Variants in ZNF658 observed in about 807,000 individuals in gnomAD.
ZNF658 encodes the protein zinc finger protein 658.
Under a neutral mutation model 78.0 loss-of-function variants are expected in ZNF658, and 46 were observed. The observed-to-expected ratio is 0.59, with a 90% CI of 0.47 to 0.75. ZNF658 has a LOEUF of 0.75. ZNF658 is among the 30% of genes least tolerant of loss of function. The pLI is 0.00. For synonymous variants in ZNF658, 279 were observed against 408.4 expected (o/e 0.68, Z 3.82); for missense variants, 785 against 1,189.3 (o/e 0.66, Z 5.00).
downstream of ZNF658, among the ~76,000 whole-genome samples, chr9:66,925,683 C>A (rs930431474): frequency 6.6e-5 from 10 of 152,102 alleles, no homozygotes; most frequent in African/African-American, 2.4e-4. Context: ...TAATACCAAT[C>A]ATTTTAAAAC....
chr9:66,918,933 G>A lies in ZNF658; in HGVS notation c.1367G>A (p.Ser456Asn), dbSNP rs753801898. The A allele has an allele frequency of 1.3e-6, 2 of 1,516,376 alleles. No homozygotes were observed. Among genetic ancestry groups the A allele is most frequent in the South Asian group, 2.3e-5 (2 of 87,318 alleles). The allele number at this position is 1,516,376 out of a possible 1,614,324, so 93.9% of individuals were successfully genotyped here. ...GKAFCQNSNL[S>N]KHLRIHTKEK... ...GCTTTCTGTCAGAATTCAAACCTCA[G>A]TAAACATCTGAGAATTCACACAAAA... Residue 456 changes from serine to asparagine, a missense_variant, in exon 5 of 5, where the codon AGT becomes AAT. By Grantham distance (46) the Ser-to-Asn change is conservative. This residue lies in a region of ZNF658 where 393 missense variants were observed against 400.2 expected (regional missense o/e 0.98). Coordinates refer to ENST00000621410, the MANE Select transcript of ZNF658 (RefSeq NM_033160.7).
At chr9:66,930,295 C>T (rs1822628103) in intron 6 of ZNF658, among the ~76,000 whole-genome samples, 1 of 142,050 alleles carries the variant, frequency 7.0e-6, no homozygotes, top group African/African-American at 2.5e-5. Flanking sequence ...TCTCTTTTTT[C>T]CAACTTGTTT....
chr9:66,931,294 TTG>T (rs1233229084), intron 6 of ZNF658, among the ~76,000 whole-genome samples: 2 of 149,228 alleles, frequency 1.3e-5, no homozygotes, highest in African/African-American at 2.5e-5. Context: ...TCTTTTGCAT[TTG>T]TGTGTGTGTG....
In ZNF658 at chr9:66,918,418, T is replaced by A; in HGVS notation, c.852T>A (p.Ala284=). The change falls in exon 5 of 5, where the codon GCT becomes GCA. Residue 284 remains alanine (A), a synonymous_variant. Coordinates refer to ENST00000621410, the MANE Select transcript of ZNF658 (RefSeq NM_033160.7). ...EYGTSCDKTT[A]VEYNKVHMAM... ...GGACATCCTGTGACAAAACCACCGC[T>A]GTTGAATACAATAAAGTTCACATGG... The A allele has an allele frequency of 6.2e-7, 1 of 1,613,140 alleles. No homozygotes were observed. The highest frequency in any genetic ancestry group is 8.5e-7 in the Non-Finnish European group (1 of 1,179,238).
At position 66,918,205 on chromosome 9, in the gene ZNF658, A is replaced by C; in HGVS notation, c.639A>C (p.Glu213Asp). Residue 213 changes from glutamate (E) to aspartate (D), a missense_variant, in exon 5 of 5, where the codon GAA becomes GAC. Transcript: ENST00000621410. ...DQHWKFQTLE[E>D]SFECDGSGQG... is the part of the protein sequence containing the mutation. ...ATTGGAAATTTCAAACTTTGGAGGA[A>C]TCTTTTGAATGTGATGGATCTGGAC... The C allele has an allele frequency of 6.2e-7, 1 of 1,605,950 alleles. No individual in the cohort carries two copies. Among genetic ancestry groups the C allele is most frequent in the Non-Finnish European group, 8.5e-7 (1 of 1,177,190 alleles).
rs72624049 is a variant in ZNF658, at chr9:66,919,504, G to A, written c.1938G>A (p.Lys646=). The part of the protein sequence containing the change: ...GRSFAHISVL[K]AHQRIHTGEK... ...CTTTTGCCCATATTTCTGTTCTCAA[G>A]GCACATCAAAGAATTCACACAGGGG... Residue 646 remains lysine, a synonymous_variant, in exon 5 of 5, where the codon AAG becomes AAA. Coordinates refer to ENST00000621410, the MANE Select transcript of ZNF658 (RefSeq NM_033160.7). The A allele has an allele frequency of 0.21, 332,911 of 1,589,806 alleles. 33,559 individuals are homozygous for A. Among genetic ancestry groups the A allele is most frequent in the East Asian group, 0.39 (17,245 of 44,070 alleles).
chr9:66,918,225 C>G lies in ZNF658; in HGVS notation c.659C>G (p.Ser220Cys). ...GAGGAATCTTTTGAATGTGATGGATCTGGACAAGGTTTATATGATAAGACA... is the reference window on the plus strand; with the variant it reads ...GAGGAATCTTTTGAATGTGATGGATGTGGACAAGGTTTATATGATAAGACA... The part of the protein sequence containing the change: ...TLEESFECDG[S>C]GQGLYDKTIC... The change falls in exon 5 of 5, where the codon TCT becomes TGT. Residue 220 changes from serine to cysteine, a missense_variant. Transcript: ENST00000621410. 2 of 1,606,932 alleles carry G rather than the reference C, an allele frequency of 1.2e-6. No homozygotes were observed. Among genetic ancestry groups the G allele is most frequent in the Non-Finnish European group, 1.7e-6 (2 of 1,177,534 alleles).
intron 4 of ZNF658, among the ~76,000 whole-genome samples, chr9:66,914,380 T>C (rs890248121): frequency 3.9e-5 from 6 of 152,074 alleles, no homozygotes; most frequent in African/African-American, 1.4e-4. Flanking sequence ...AAAACACTTA[T>C]TAGTTCAAGG....
At position 66,911,343 on chromosome 9, in the gene ZNF658, C is replaced by T. The variant is rs964675764; in HGVS notation, c.238+2609C>T. ...TTAATAATAAAATGAAAAAAATCCA[C>T]TTGAAAAAATTTTAGTATCTCTTTT... On this transcript the variant is annotated intron_variant, in intron 4 of 4. Coordinates refer to ENST00000621410, the MANE Select transcript of ZNF658 (RefSeq NM_033160.7). Among the ~76,000 whole-genome samples, 6 of 76,966 alleles carry T rather than the reference C, an allele frequency of 7.8e-5. 1 individual carries two copies. Among genetic ancestry groups the T allele is most frequent in the African/African-American group, 1.3e-4 (2 of 14,940 alleles). The allele number at this position is 76,966 out of a possible 152,430, so 50.5% of individuals were successfully genotyped here.
downstream of ZNF658, among the ~76,000 whole-genome samples, chr9:66,924,628 CAATTA>C (rs1178582478): frequency 1.7e-5 from 2 of 118,248 alleles, no homozygotes; most frequent in Non-Finnish European, 3.5e-5. Context: ...TTAAACACCT[CAATTA>C]AAAGTCAGGA....
Position 66,919,052 on chromosome 9 carries a change from G to T in ZNF658, c.1486G>T (p.Gly496Cys). The T allele has an allele frequency of 5.8e-6, 4 of 684,952 alleles. No individual in the cohort carries two copies. Among genetic ancestry groups the T allele is most frequent in the East Asian group, 5.5e-5 (2 of 36,368 alleles). 42.4% of individuals were successfully genotyped at this position (684,952 alleles called of 1,614,324 possible). Residue 496 changes from glycine (G) to cysteine (C), a missense_variant, in exon 5 of 5, where the codon GGC becomes TGC. Around this residue, in one of 12 missense-constraint regions of ZNF658, gnomAD observed 393 missense variants for 400.2 expected, o/e 0.98. Coordinates refer to ENST00000621410, the MANE Select transcript of ZNF658 (RefSeq NM_033160.7). ...AGATGCAGAGATGGAACTCTGTGGT[G>T]GCAGTGAATATGGGAAGACATCACA... ...KTDAEMELCGGSEYGKTSHLK... is the reference protein window; with the variant it reads ...KTDAEMELCGCSEYGKTSHLK...
intron 4 of ZNF658, among the ~76,000 whole-genome samples, chr9:66,913,090 C>T (rs1176457867): frequency 1.3e-5 from 2 of 149,598 alleles, no homozygotes; most frequent in African/African-American, 5.0e-5. Flanking sequence ...TTATCAGAGT[C>T]CTTGTGGGGC....
At chr9:66,909,671 G>A (rs879625795) in intron 4 of ZNF658, among the ~76,000 whole-genome samples, 96 of 152,168 alleles carry the variant, frequency 6.3e-4, no homozygotes, top group African/African-American at 8.2e-4. Context: ...GCATTTTTCC[G>A]TTCCTAACAA....
At chr9:66,930,564 C>T (rs1564179972) in intron 6 of ZNF658, among the ~76,000 whole-genome samples, 3 of 151,056 alleles carry the variant, frequency 2.0e-5, no homozygotes, top group South Asian at 2.1e-4. Flanking sequence ...AATCCCAGAA[C>T]TTTGGGAGGC....
rs1253815830 is a variant in ZNF658 at position 66,918,220 on chromosome 9, T to C, written c.654T>C (p.Asp218=). 1 of 1,605,978 alleles carries C rather than the reference T, an allele frequency of 6.2e-7. No homozygotes were observed. Among genetic ancestry groups the C allele is most frequent in the East Asian group, 2.2e-5 (1 of 44,824 alleles). The change falls in exon 5 of 5, where the codon GAT becomes GAC. Residue 218 remains aspartate (D), a synonymous_variant. Transcript: ENST00000621410. ...CTTTGGAGGAATCTTTTGAATGTGA[T>C]GGATCTGGACAAGGTTTATATGATA... ...FQTLEESFEC[D]GSGQGLYDKT...
At position 66,903,679 on chromosome 9, in the gene ZNF658, C is replaced by A. The variant is rs896865902; in HGVS notation, c.15+103C>A. On this transcript the variant is annotated intron_variant, in intron 2 of 4. Coordinates refer to ENST00000621410, the MANE Select transcript of ZNF658 (RefSeq NM_033160.7). ...AAAGTAGAAATAGAGATGGATCAGA[C>A]ACATTCCTAGAAGATGTAGAAATGC... 4.3e-5 allele frequency: 35 copies of A among 813,938 alleles called. No homozygotes were observed. In the African/African-American group the frequency reaches 5.2e-4, roughly 12 times the overall value. The allele number at this position is 813,938 out of a possible 1,614,324, so 50.4% of individuals were successfully genotyped here.
At chr9:66,902,901 A>G (rs1177827451) in intron 1 of ZNF658, 1 of 151,330 alleles carries the variant, frequency 6.6e-6, no homozygotes, top group Non-Finnish European at 1.5e-5. Flanking sequence ...ATTTTTTTCT[A>G]TTTTTAGTAG....
chr9:66,914,618 T>A (rs528791669), intron 4 of ZNF658, among the ~76,000 whole-genome samples: 1 of 152,204 alleles, frequency 6.6e-6, no homozygotes, highest in African/African-American at 2.4e-5. Flanking sequence ...AATAAATGGA[T>A]TTTGAATTTT....
intron 4 of ZNF658, among the ~76,000 whole-genome samples, chr9:66,915,053 G>GCACA (rs10608839): frequency 1.5e-3 from 213 of 144,118 alleles, no homozygotes; most frequent in African/African-American, 4.5e-3. Context: ...CTTTGGAATT[G>GCACA]CACACACACA....
Sources: gnomAD v4.1 joint callset for allele counts (sites outside exome capture counted in the v4.1 genomes callset) on GRCh38, gnomAD v4.1.1 for gene constraint, gnomAD v4.1.1 regional missense constraint, MANE v1.5 for transcripts, NCBI Gene and HGNC (gene_info 2026-07-23, HGNC 2026-07-21) for gene names.